Variants in GPC5 observed in about 807,000 individuals in gnomAD.
The protein encoded by GPC5 is glypican-5.
In GPC5, 47 loss-of-function variants were observed where a neutral mutation model predicts 53.9. The observed-to-expected ratio is 0.87, with a 90% CI of 0.69 to 1.11. The LOEUF (loss-of-function observed/expected upper bound fraction) is 1.11. GPC5 is among the 50% of genes most tolerant of loss of function. The pLI is 0.00. For missense variants in GPC5, 748 were observed against 713.1 expected (o/e 1.05, Z -0.56); for synonymous variants, 286 against 263.3 (o/e 1.09, Z -0.84).
chr13:91,550,390 C>T (rs1337876897), intron 2 of GPC5, among the ~76,000 whole-genome samples: 2 of 152,070 alleles, frequency 1.3e-5, no homozygotes, highest in East Asian at 1.9e-4. Flanking sequence ...AGTATAGGTT[C>T]ACCAGTTGTA....
chr13:91,559,456 G>A (rs1293895869), intron 2 of GPC5, among the ~76,000 whole-genome samples: 2 of 152,118 alleles, frequency 1.3e-5, no homozygotes, highest in Admixed American at 1.3e-4. Flanking sequence ...TAGCTAGAGG[G>A]CTGATACTGC....
chr13:92,369,905 T>C (rs1182263689), intron 7 of GPC5, among the ~76,000 whole-genome samples: 2 of 152,234 alleles, frequency 1.3e-5, no homozygotes, highest in African/African-American at 2.4e-5. Context: ...TTAAGGAAAG[T>C]CAACAAATAG....
At chr13:92,270,190 A>G (rs977591580) in intron 7 of GPC5, among the ~76,000 whole-genome samples, 1 of 152,180 alleles carries the variant, frequency 6.6e-6, no homozygotes. Flanking sequence ...AGATACTTGA[A>G]TGGCAAATGG....
At chr13:92,355,312 C>A (rs7995782) in intron 7 of GPC5, among the ~76,000 whole-genome samples, 26 of 151,494 alleles carry the variant, frequency 1.7e-4, no homozygotes, top group East Asian at 5.8e-4. Flanking sequence ...AGCTCCATAA[C>A]CTTATTATAT....
At chr13:91,647,517 A>G (rs564494319) in intron 2 of GPC5, among the ~76,000 whole-genome samples, 3 of 152,338 alleles carry the variant, frequency 2.0e-5, no homozygotes, top group Non-Finnish European at 4.4e-5. Flanking sequence ...TCATTTCTGC[A>G]TTCCTCCTGA....
At chr13:91,864,439 C>G (rs2039062672) in intron 5 of GPC5, among the ~76,000 whole-genome samples, 1 of 152,078 alleles carries the variant, frequency 6.6e-6, no homozygotes, top group Non-Finnish European at 1.5e-5. Flanking sequence ...ACGATGGAAT[C>G]TATTGTGTGC....
intron 7 of GPC5, among the ~76,000 whole-genome samples, chr13:92,700,617 T>C (rs988871559): frequency 6.6e-6 from 1 of 152,078 alleles, no homozygotes; most frequent in Non-Finnish European, 1.5e-5. Context: ...TCTATTGCAA[T>C]GCTGCCTAAA....
At chr13:92,617,085 G>T (rs1884714532) in intron 7 of GPC5, among the ~76,000 whole-genome samples, 1 of 152,078 alleles carries the variant, frequency 6.6e-6, no homozygotes, top group Non-Finnish European at 1.5e-5. Context: ...CACATGTAAT[G>T]CTGTTGCGCT....
chr13:91,907,855 G>A (rs981503582), intron 5 of GPC5, 82 bp from the exon 6 acceptor site: 47 of 1,434,550 alleles, frequency 3.3e-5, no homozygotes, highest in Admixed American at 9.3e-5. Context: ...AGGAAATTCC[G>A]ACCTCAAATA....
chr13:91,977,270 G>A (rs559536616), intron 6 of GPC5, among the ~76,000 whole-genome samples: 5 of 152,152 alleles, frequency 3.3e-5, no homozygotes, highest in African/African-American at 1.2e-4. Context: ...TATTTTCTTA[G>A]CTCATCATTT....
At chr13:92,431,756 A>T (rs1299588612) in intron 7 of GPC5, among the ~76,000 whole-genome samples, 1 of 152,132 alleles carries the variant, frequency 6.6e-6, no homozygotes, top group East Asian at 1.9e-4. Flanking sequence ...ATGAGTTGAA[A>T]ATGGACTATT....
At chr13:91,799,466 T>C (rs1039495865) in intron 5 of GPC5, among the ~76,000 whole-genome samples, 4 of 152,140 alleles carry the variant, frequency 2.6e-5, no homozygotes, top group Admixed American at 2.6e-4. Context: ...CTTGTACATG[T>C]GTTCCCTGAT....
At chr13:91,430,116 C>T (rs1265528616) in intron 1 of GPC5, among the ~76,000 whole-genome samples, 2 of 152,084 alleles carry the variant, frequency 1.3e-5, no homozygotes, top group African/African-American at 4.8e-5. Context: ...AGTTGAACAG[C>T]CCAGGGCTAC....
intron 7 of GPC5, among the ~76,000 whole-genome samples, chr13:92,232,900 C>T (rs562517516): frequency 8.1e-4 from 124 of 152,270 alleles, no homozygotes; most frequent in African/African-American, 2.9e-3. Context: ...AGTATTGAAG[C>T]AGTTTTCAAG....
At chr13:91,864,084 C>T (rs560865944) in intron 5 of GPC5, among the ~76,000 whole-genome samples, 48 of 152,172 alleles carry the variant, frequency 3.2e-4, no homozygotes, top group Admixed American at 1.0e-3. Context: ...GATTCTAATT[C>T]TTATGAAGTT....
rs186657861 is a variant in GPC5, at chr13:92,694,751, C to T, written c.1562-171531C>T. Among the ~76,000 whole-genome samples the T allele has an allele frequency of 2.0e-5, 3 of 152,250 alleles. No individual in the cohort carries two copies. In the East Asian group the frequency reaches 5.8e-4, roughly 30 times the overall value. ...GGGTTAATGCTGCAGTGAGTTAAAA[C>T]TTTGGGGGATTCTTGGGAAGACATG... On this transcript the variant is annotated intron_variant, in intron 7 of 7. Transcript: ENST00000377067.
chr13:91,428,932 C>T (rs1336468194), intron 1 of GPC5, among the ~76,000 whole-genome samples: 1 of 151,822 alleles, frequency 6.6e-6, no homozygotes, highest in South Asian at 2.1e-4. Context: ...GTTTTCTTTT[C>T]TTTTTGAGAG....
intron 2 of GPC5, among the ~76,000 whole-genome samples, chr13:91,452,293 T>G (rs1189324937): frequency 6.6e-6 from 1 of 152,072 alleles, no homozygotes. Flanking sequence ...CAAAAATCTG[T>G]TTTTAGAAGG....
intron 1 of GPC5, among the ~76,000 whole-genome samples, chr13:91,405,660 A>G (rs982558426): frequency 1.1e-4 from 16 of 152,188 alleles, no homozygotes; most frequent in Admixed American, 1.0e-3. Context: ...TGATGGAGAC[A>G]GAGAACATAC....
Sources: gnomAD v4.1 joint callset for allele counts (sites outside exome capture counted in the v4.1 genomes callset) on GRCh38, gnomAD v4.1.1 for gene constraint, MANE v1.5 for transcripts, NCBI Gene and HGNC (gene_info 2026-07-23, HGNC 2026-07-21) for gene names.